The following POGLUT3 variants were observed in gnomAD, a reference collection of about 807,000 sequenced individuals.
POGLUT3 encodes KDEL (Lys-Asp-Glu-Leu) containing 2.
Under a neutral mutation model 54.3 loss-of-function variants are expected in POGLUT3, and 48 were observed. The observed-to-expected ratio is 0.88, with a 90% CI of 0.70 to 1.12. The LOEUF is 1.12. POGLUT3 is among the 50% of genes most tolerant of loss of function. POGLUT3 has a pLI of 0.00. For synonymous variants in POGLUT3, 218 were observed against 237.4 expected, an observed-to-expected ratio of 0.92 and a Z score of 0.75; for missense variants, 629 against 618.7, an observed-to-expected ratio of 1.02 and a Z score of -0.18.
At chr11:108,496,340 G>A (rs958584002) in intron 1 of POGLUT3, among the ~76,000 whole-genome samples, 5 of 151,560 alleles carry the variant, frequency 3.3e-5, no homozygotes, top group Non-Finnish European at 7.4e-5. Flanking sequence ...GGAGGAGGGG[G>A]GTTGGAGAAA....
intron 7 of POGLUT3, among the ~76,000 whole-genome samples, chr11:108,475,669 A>G (rs1225672055): frequency 6.6e-6 from 1 of 151,470 alleles, no homozygotes; most frequent in East Asian, 1.9e-4. Context: ...GCGTTTCACC[A>G]TGTTGCACAG....
intron 3 of POGLUT3, among the ~76,000 whole-genome samples, chr11:108,484,351 A>G (rs556417640): frequency 1.3e-5 from 2 of 152,182 alleles, no homozygotes; most frequent in South Asian, 4.2e-4. Flanking sequence ...GTATCCTCAC[A>G]TTGTGGGCTG....
chr11:108,492,929 G>A lies in POGLUT3; in HGVS notation c.203-1762C>T, dbSNP rs77058484. Among the ~76,000 whole-genome samples the A allele has an allele frequency of 6.0e-3, 912 of 152,290 alleles. 9 individuals are homozygous for A. Among genetic ancestry groups the A allele is most frequent in the African/African-American group, 0.018 (740 of 41,558 alleles). On this transcript the variant is annotated intron_variant, in intron 1 of 7. Transcript: ENST00000323468. ...GAAAGGCAACATGGCACAGCAGATC[G>A]AAATCTGAAGAGGAAAGTCTGGGAA...
rs2093585122 is a variant in POGLUT3 at position 108,477,861 on chromosome 11, T to C, written c.1294-150A>G. ...TGGAATTATAACTTAAGAATGAGGC[T>C]ACAGGGGCCGGACATGGTGGCTCAC... On this transcript the variant is annotated intron_variant, in intron 6 of 7. Coordinates refer to ENST00000323468, the MANE Select transcript of POGLUT3 (RefSeq NM_153705.5). 1.2e-5 allele frequency: 8 copies of C among 646,288 alleles called. No homozygotes were observed. The South Asian group carries it at 1.4e-4, about 11-fold the overall frequency. 40.0% of individuals were successfully genotyped at this position (646,288 alleles called of 1,614,324 possible).
chr11:108,477,756 G>A (rs150818470), intron 6 of POGLUT3, 45 bp from the exon 7 acceptor site: 34 of 1,242,618 alleles, frequency 2.7e-5, no homozygotes, highest in Middle Eastern at 1.9e-4. Context: ...TTACTACTGC[G>A]ACCCACAAAG....
rs373526889 is a variant in POGLUT3, at chr11:108,480,222, C to T, written c.1099-727G>A. Reference sequence around the variant, plus strand: ...TTCATTATTTCATTTGTTCCTTATACGCAGTCTATGAAACAGGCAGGCATT... The same window carrying T: ...TTCATTATTTCATTTGTTCCTTATATGCAGTCTATGAAACAGGCAGGCATT... On this transcript the variant is annotated intron_variant, in intron 5 of 7. Transcript: ENST00000323468. Among the ~76,000 whole-genome samples, 8 of 152,330 alleles carry T rather than the reference C, an allele frequency of 5.3e-5. No individual in the cohort carries two copies. In the East Asian group the frequency reaches 1.2e-3, roughly 22 times the overall value.
chr11:108,495,633 G>A (rs978809139), intron 1 of POGLUT3, among the ~76,000 whole-genome samples: 1 of 152,158 alleles, frequency 6.6e-6, no homozygotes, highest in Non-Finnish European at 1.5e-5. Context: ...CCAAAGGAAT[G>A]AAAGTAAGGT....
chr11:108,474,548 T>C lies in POGLUT3; in HGVS notation c.*279A>G, dbSNP rs962992610. ...GAACAAGGTATATATAAAATATAAA[T>C]GAATTTTGTGTTTAGACTTGGATCT... On this transcript the variant is annotated 3_prime_UTR_variant, in exon 8 of 8. Transcript: ENST00000323468. 4.7e-6 allele frequency: 1 copy of C among 213,608 alleles called. No individual in the cohort carries two copies. The highest frequency in any genetic ancestry group is 9.9e-5 in the East Asian group (1 of 10,092). 13.2% of individuals were successfully genotyped at this position (213,608 alleles called of 1,614,324 possible). A position where few individuals can be genotyped will look rare whatever the true frequency, so the allele number is the denominator to read the frequency against.
intron 1 of POGLUT3, among the ~76,000 whole-genome samples, chr11:108,496,389 T>C: frequency 6.6e-6 from 1 of 152,086 alleles, no homozygotes; most frequent in East Asian, 1.9e-4. Context: ...TGGAAAACTA[T>C]ATGAAATTGA....
intron 7 of POGLUT3, among the ~76,000 whole-genome samples, chr11:108,477,226 A>G (rs1386519639): frequency 3.9e-5 from 6 of 151,990 alleles, no homozygotes; most frequent in Non-Finnish European, 7.4e-5. Flanking sequence ...ACATGGCGAA[A>G]CTCCGTTTCT....
intron 1 of POGLUT3, among the ~76,000 whole-genome samples, chr11:108,494,019 C>A (rs1257231107): frequency 1.3e-5 from 2 of 152,102 alleles, no homozygotes; most frequent in Non-Finnish European, 2.9e-5. Context: ...TCACTTAGCA[C>A]TTTTTATGGG....
chr11:108,491,209 T>C (rs2093612714), intron 1 of POGLUT3, 42 bp from the exon 2 acceptor site: 1 of 1,488,344 alleles, frequency 6.7e-7, no homozygotes, highest in South Asian at 1.2e-5. Context: ...CATGTCATGA[T>C]AATGATTTAC....
At position 108,482,285 on chromosome 11, in the gene POGLUT3, A is replaced by G. The variant is rs2093594406; in HGVS notation, c.685-63T>C. ...ATCTCAGTCTTTGGTACTAAGTACA[A>G]CAGTTCTTTGGTTTTCTTACATATT... is the stretch of plus-strand genomic sequence containing the variant. On this transcript the variant is annotated intron_variant, in intron 3 of 7. Coordinates refer to ENST00000323468, the MANE Select transcript of POGLUT3 (RefSeq NM_153705.5). 2.5e-6 allele frequency: 3 copies of G among 1,205,804 alleles called. No individual in the cohort carries two copies. The South Asian group carries it at 4.2e-5, about 17-fold the overall frequency. The allele number at this position is 1,205,804 out of a possible 1,614,324, so 74.7% of individuals were successfully genotyped here.
chr11:108,482,545 A>G (rs2093594879), intron 3 of POGLUT3, among the ~76,000 whole-genome samples: 1 of 152,028 alleles, frequency 6.6e-6, no homozygotes, highest in South Asian at 2.1e-4. Context: ...TCAGGAGTTC[A>G]AGACCAGTCT....
At position 108,479,434 on chromosome 11, in the gene POGLUT3, A is replaced by G; in HGVS notation, c.1160T>C (p.Leu387Pro). 6.2e-7 allele frequency: 1 copy of G among 1,613,398 alleles called. No homozygotes were observed. The highest frequency in any genetic ancestry group is 8.5e-7 in the Non-Finnish European group (1 of 1,179,940). The change falls in exon 6 of 8, where the codon CTG becomes CCG. Residue 387 changes from leucine (L) to proline (P), a missense_variant. Transcript: ENST00000323468. ...VAAYRYPYLMLGDSLVLKQDS... is the reference protein window; with the variant it reads ...VAAYRYPYLMPGDSLVLKQDS... The stretch of plus-strand genomic sequence containing the variant: ...CTGCTTTAAAACCAGACTGTCGCCC[A>G]GCATGAGATATGGATATCTGTAAGC...
intron 1 of POGLUT3, among the ~76,000 whole-genome samples, chr11:108,493,660 C>T (rs1236643242): frequency 6.6e-6 from 1 of 151,872 alleles, no homozygotes; most frequent in Non-Finnish European, 1.5e-5. Context: ...AAAAATTAGC[C>T]GGGCATGATG....
chr11:108,487,925 T>G (rs1292461338), intron 2 of POGLUT3, among the ~76,000 whole-genome samples: 1 of 151,482 alleles, frequency 6.6e-6, no homozygotes, highest in Non-Finnish European at 1.5e-5. Context: ...AGTTTGACTC[T>G]TTTCATTGAC....
intron 3 of POGLUT3, 123 bp from the exon 4 acceptor site, chr11:108,482,345 G>A (rs1039448747): frequency 1.7e-5 from 11 of 639,594 alleles, no homozygotes; most frequent in Non-Finnish European, 2.7e-5. Context: ...ACAGAGAAGA[G>A]AGAAGAATGC....
chr11:108,484,749 C>G (rs911376534), intron 3 of POGLUT3, among the ~76,000 whole-genome samples: 2 of 152,118 alleles, frequency 1.3e-5, no homozygotes, highest in Admixed American at 1.3e-4. Flanking sequence ...GAGTGAGACT[C>G]CATCTCAAAG....
Sources: allele counts gnomAD v4.1 joint callset (sites outside exome capture counted in the v4.1 genomes callset), GRCh38; gene constraint gnomAD v4.1.1; transcripts MANE v1.5; gene names NCBI Gene and HGNC (gene_info 2026-07-23, HGNC 2026-07-21).